YWHAZ: variants seen among roughly 807,000 people sequenced by gnomAD.
The protein encoded by YWHAZ is 14-3-3 protein zeta/delta.
For missense variants in YWHAZ, 79 were observed against 284.8 expected (o/e 0.28, Z 5.20); for synonymous variants, 87 against 103.6 (o/e 0.84, Z 0.97).
At chr8:100,934,991 T>C (rs937944332) in intron 2 of YWHAZ, 54 of 150,138 alleles carry the variant, frequency 3.6e-4, no homozygotes, top group Admixed American at 1.1e-3. Context: ...CCGTCTCTAC[T>C]GGGAAAAAAA....
At chr8:100,942,590 C>T (rs917108062) in intron 2 of YWHAZ, among the ~76,000 whole-genome samples, 3 of 152,120 alleles carry the variant, frequency 2.0e-5, no homozygotes, top group Admixed American at 2.0e-4. Context: ...AGAACAGAGC[C>T]AATCTTCTGA....
At chr8:100,937,514 T>G (rs989599366) in intron 2 of YWHAZ, among the ~76,000 whole-genome samples, 1 of 152,150 alleles carries the variant, frequency 6.6e-6, no homozygotes, top group Non-Finnish European at 1.5e-5. Flanking sequence ...CCCCAGAATA[T>G]CAAAGCAAAA....
At position 100,917,835 on chromosome 8, in the gene YWHAZ, A is replaced by ACAAT. The variant is rs1812767091; in HGVS notation, c.*2854_*2857dup. On this transcript the variant is annotated 3_prime_UTR_variant, in exon 6 of 6. Coordinates refer to ENST00000395958, the MANE Select transcript of YWHAZ (RefSeq NM_145690.3). Reference sequence around the variant, plus strand: ...AGCAGACGTAAAGCCTGGATTTGGGACAATCAAGGAATAGTTACAAACACA... The same window carrying ACAAT: ...AGCAGACGTAAAGCCTGGATTTGGGACAATCAATCAAGGAATAGTTACAAACACA... The ACAAT allele has an allele frequency of 6.6e-6, 1 of 152,252 alleles. No individual in the cohort carries two copies. Among genetic ancestry groups the ACAAT allele is most frequent in the African/African-American group, 2.4e-5 (1 of 41,468 alleles). 9.4% of individuals were successfully genotyped at this position (152,252 alleles called of 1,614,324 possible).
At position 100,924,768 on chromosome 8, in the gene YWHAZ, G is replaced by C; in HGVS notation, c.418+148C>G. 1 of 903,020 alleles carries C rather than the reference G, an allele frequency of 1.1e-6. No homozygotes were observed. The highest frequency in any genetic ancestry group is 1.7e-6 in the Non-Finnish European group (1 of 603,558). 55.9% of individuals were successfully genotyped at this position (903,020 alleles called of 1,614,324 possible). ...TTTAGAATAGCAGTATGAGGCAGTA[G>C]ATGTGTATTCTCAGAACACAAAGAG... On this transcript the variant is annotated intron_variant, in intron 3 of 5. Transcript: ENST00000395958. The surrounding 1 kb of genome is among the most constrained non-coding windows in gnomAD (Gnocchi z 5.7).
intron 2 of YWHAZ, among the ~76,000 whole-genome samples, chr8:100,944,334 T>C (rs979704212): frequency 2.0e-5 from 3 of 152,200 alleles, no homozygotes; most frequent in Non-Finnish European, 2.9e-5. Context: ...TTCTGTGGGC[T>C]GGAGATAAAA....
At chr8:100,946,981 C>T (rs1394300091) in intron 2 of YWHAZ, among the ~76,000 whole-genome samples, 4 of 151,174 alleles carry the variant, frequency 2.6e-5, no homozygotes, top group Non-Finnish European at 4.4e-5. Flanking sequence ...TGGCCGGGCG[C>T]GGTGGCTCAA....
At chr8:100,920,890 A>C in intron 5 of YWHAZ, 138 bp from the exon 6 acceptor site, 1 of 752,786 alleles carries the variant, frequency 1.3e-6, no homozygotes, top group Non-Finnish European at 2.3e-6. Flanking sequence ...CTTAGCTTCA[A>C]GATACAAAAA....
chr8:100,924,327 G>A lies in YWHAZ; in HGVS notation c.419-29C>T, dbSNP rs1449274064. 2.5e-6 allele frequency: 4 copies of A among 1,597,802 alleles called. No individual in the cohort carries two copies. The African/African-American group carries it at 5.4e-5, about 21-fold the overall frequency. The stretch of plus-strand genomic sequence containing the variant: ...GATAAGACACACCAAAACGTACTGA[G>A]ATAAAGTGTGCATTATATCTTCACC... On this transcript the variant is annotated intron_variant, in intron 3 of 5. Transcript: ENST00000395958. This position sits in a 1 kb window ranked among gnomAD's most constrained non-coding sequence, Gnocchi z 5.7.
intron 2 of YWHAZ, among the ~76,000 whole-genome samples, chr8:100,936,420 A>C (rs1441467774): frequency 3.3e-5 from 5 of 152,240 alleles, no homozygotes; most frequent in Admixed American, 3.3e-4. Flanking sequence ...GTTAAGTAAC[A>C]GGACAACACC....
chr8:100,936,960 T>G (rs1215709270), intron 2 of YWHAZ, among the ~76,000 whole-genome samples: 3 of 152,144 alleles, frequency 2.0e-5, no homozygotes, highest in Non-Finnish European at 4.4e-5. Context: ...TAAGGAGACA[T>G]GTAAGCAAAA....
In YWHAZ at chr8:100,920,228, T is replaced by C; in HGVS notation, c.*465A>G. 6.2e-6 allele frequency: 1 copy of C among 161,556 alleles called. No homozygotes were observed. The allele number at this position is 161,556 out of a possible 1,614,324, so 10.0% of individuals were successfully genotyped here. ...CAGATATACATGGTTTAATATGTGGTATCCATGGGGTATGATTCTACCACA... is the reference window on the plus strand; with the variant it reads ...CAGATATACATGGTTTAATATGTGGCATCCATGGGGTATGATTCTACCACA... On this transcript the variant is annotated 3_prime_UTR_variant, in exon 6 of 6. Coordinates refer to ENST00000395958, the MANE Select transcript of YWHAZ (RefSeq NM_145690.3).
chr8:100,947,398 G>A (rs1810379007), intron 2 of YWHAZ, among the ~76,000 whole-genome samples: 1 of 152,060 alleles, frequency 6.6e-6, no homozygotes, highest in African/African-American at 2.4e-5. Flanking sequence ...TCATTCTAAA[G>A]GTTTCAATAA....
At chr8:100,935,268 A>G (rs1814064606) in intron 2 of YWHAZ, among the ~76,000 whole-genome samples, 1 of 152,180 alleles carries the variant, frequency 6.6e-6, no homozygotes, top group African/African-American at 2.4e-5. Context: ...AAAATATTAA[A>G]CTCCCTGACT....
At chr8:100,920,932 AC>A (rs753416324) in intron 5 of YWHAZ, among the ~76,000 whole-genome samples, 180 bp from the exon 6 acceptor site, 10 of 152,280 alleles carry the variant, frequency 6.6e-5, no homozygotes, top group Admixed American at 3.3e-4. Flanking sequence ...TTTTTTTGTA[AC>A]CACTATATAA....
chr8:100,918,406 C>CATATATATATATATA lies in YWHAZ; in HGVS notation c.*2286_*2287insTATATATATATATAT, dbSNP rs1812795691. 5.1e-5 allele frequency: 1 copy of CATATATATATATATA among 19,618 alleles called. No individual in the cohort carries two copies. The highest frequency in any genetic ancestry group is 1.3e-4 in the African/African-American group (1 of 7,578). The allele number at this position is 19,618 out of a possible 1,614,324, so 1.2% of individuals were successfully genotyped here. On this transcript the variant is annotated 3_prime_UTR_variant, in exon 6 of 6. Coordinates refer to ENST00000395958, the MANE Select transcript of YWHAZ (RefSeq NM_145690.3). ...TCAGTCTAGCTATAAAATATAATTA[C>CATATATATATATATA]TTTATATATATATATATATATATAT...
At chr8:100,945,233 A>G (rs1810181433) in intron 2 of YWHAZ, among the ~76,000 whole-genome samples, 1 of 152,242 alleles carries the variant, frequency 6.6e-6, no homozygotes, top group African/African-American at 2.4e-5. Context: ...TTCCCGCCAT[A>G]ATGCTCTATT....
rs562827457 is a variant in YWHAZ at position 100,932,385 on chromosome 8, T to G, written c.295-7346A>C. Among the ~76,000 whole-genome samples, 5 of 152,308 alleles carry G rather than the reference T, an allele frequency of 3.3e-5. No homozygotes were observed. In the East Asian group the frequency reaches 7.7e-4, roughly 24 times the overall value. On this transcript the variant is annotated intron_variant, in intron 2 of 5. Coordinates refer to ENST00000395958, the MANE Select transcript of YWHAZ (RefSeq NM_145690.3). ...TAATATTTAAGTAATATTACCTTAT[T>G]TCTCCCAACCATGGTACATATATAC...
chr8:100,939,776 C>T lies in YWHAZ; in HGVS notation c.294+8820G>A, dbSNP rs144434613. Reference sequence around the variant, plus strand: ...GTGGCTCATGCCTGTAATCTCAGCACTTTGGGAGGCCGAGGCAGGCGGATC... The same window carrying T: ...GTGGCTCATGCCTGTAATCTCAGCATTTTGGGAGGCCGAGGCAGGCGGATC... On this transcript the variant is annotated intron_variant, in intron 2 of 5. Coordinates refer to ENST00000395958, the MANE Select transcript of YWHAZ (RefSeq NM_145690.3). 1.3e-4 allele frequency among the ~76,000 whole-genome samples: 20 copies of T among 151,586 alleles called. No homozygotes were observed. In the East Asian group the frequency reaches 3.9e-3, roughly 30 times the overall value.
chr8:100,921,543 C>T (rs944625061), intron 5 of YWHAZ, among the ~76,000 whole-genome samples: 3 of 152,154 alleles, frequency 2.0e-5, no homozygotes, highest in Non-Finnish European at 4.4e-5. Context: ...CAAGAACCAG[C>T]CTCAACTCTG....
Sources: allele counts gnomAD v4.1 joint callset (sites outside exome capture counted in the v4.1 genomes callset), GRCh38; gene constraint gnomAD v4.1.1; non-coding constraint Gnocchi (gnomAD v3.1); transcripts MANE v1.5; gene names NCBI Gene and HGNC (gene_info 2026-07-23, HGNC 2026-07-21).